The following MACF1 variants were observed in gnomAD, a reference collection of about 807,000 sequenced individuals.
The protein encoded by MACF1 is microtubule actin crosslinking factor 1.
Under a neutral mutation model 854.8 loss-of-function variants are expected in MACF1, and 193 were observed. The observed-to-expected ratio is 0.23, with a 90% confidence interval of 0.20 to 0.25. MACF1 has a LOEUF of 0.25. Ranked by LOEUF, MACF1 falls within the 10% of genes least tolerant of loss-of-function variation. The pLI is 1.00. For missense variants in MACF1, 7,722 were observed against 8,929.1 expected (o/e 0.86, Z 5.45); for synonymous variants, 3,185 against 3,226.7 (o/e 0.99, Z 0.44).
intron 72 of MACF1, 67 bp downstream of exon 72, chr1:39,439,567 A>T (rs1412979382): frequency 1.4e-5 from 18 of 1,297,284 alleles, no homozygotes; most frequent in Non-Finnish European, 2.0e-5. Flanking sequence ...TATCAAATCA[A>T]AGTGAGGTAT....
At position 39,393,189 on chromosome 1, in the gene MACF1, AAAAAAAAAT is replaced by A. The variant is rs1437658786; in HGVS notation, c.15816+4533_15816+4541del. ...GACCTTCCTGGGAAGGGTAAAAAAA[AAAAAAAAAT>A]ATATATATATATATATATATATATA... On this transcript the variant is annotated intron_variant, in intron 58 of 100. Coordinates refer to ENST00000564288, the MANE Select transcript of MACF1 (RefSeq NM_001394062.1). Among the ~76,000 whole-genome samples, 75 of 103,988 alleles carry A rather than the reference AAAAAAAAAT, an allele frequency of 7.2e-4. 1 individual carries two copies. Among genetic ancestry groups the A allele is most frequent in the African/African-American group, 3.3e-3 (71 of 21,264 alleles). 68.2% of individuals were successfully genotyped at this position (103,988 alleles called of 152,430 possible).
rs1356787696 is a variant in MACF1 at position 39,388,297 on chromosome 1, C to G, written c.15455C>G (p.Thr5152Ser). 6.2e-7 allele frequency: 1 copy of G among 1,614,214 alleles called. No homozygotes were observed. Among genetic ancestry groups the G allele is most frequent in the Admixed American group, 1.7e-5 (1 of 60,016 alleles). The change falls in exon 58 of 101, where the codon ACT becomes AGT. Residue 5152 changes from threonine (T) to serine (S), a missense_variant. Thr to Ser is a moderately conservative substitution (Grantham distance 58). Coordinates refer to ENST00000564288, the MANE Select transcript of MACF1 (RefSeq NM_001394062.1). ...LDGMGAIGRD[T>S]DSLQSQIEDV... ...GGCATGGGTGCTATTGGCAGAGACACTGATAGCCTCCAGTCCCAAATCGAG... is the reference window on the plus strand; with the variant it reads ...GGCATGGGTGCTATTGGCAGAGACAGTGATAGCCTCCAGTCCCAAATCGAG...
chr1:39,408,791 G>A lies in MACF1; in HGVS notation c.15817-13583G>A, dbSNP rs532102140. ...TCCCCTCTGGCCCCGGGGCGCGGTG[G>A]GCGTGGGCTGCGGGAGCCGAACGGC... On this transcript the variant is annotated intron_variant, in intron 58 of 100. Coordinates refer to ENST00000564288, the MANE Select transcript of MACF1 (RefSeq NM_001394062.1). 7.9e-5 allele frequency among the ~76,000 whole-genome samples: 12 copies of A among 152,130 alleles called. No homozygotes were observed. The South Asian group carries it at 1.9e-3, about 24-fold the overall frequency.
chr1:39,426,465 A>G lies in MACF1; in HGVS notation c.16317-990A>G, dbSNP rs181028324. 5.6e-4 allele frequency among the ~76,000 whole-genome samples: 86 copies of G among 152,332 alleles called. 1 individual carries two copies. Among genetic ancestry groups the G allele is most frequent in the African/African-American group, 2.1e-3 (86 of 41,586 alleles). On this transcript the variant is annotated intron_variant, in intron 61 of 100. Transcript: ENST00000564288. ...TATCTTAGTCTGTTTTTAGTAATTC[A>G]AAGACAACATTATGACCTTTCATTA...
At chr1:39,099,799 A>C (rs1642022093) in intron 2 of MACF1, among the ~76,000 whole-genome samples, 1 of 152,238 alleles carries the variant, frequency 6.6e-6, no homozygotes, top group Non-Finnish European at 1.5e-5. Context: ...AGAAAGATGA[A>C]ATAGATGTCT....
rs769164491 is a variant in MACF1, at chr1:39,382,062, G to T, written c.13758G>T (p.Pro4586=). Residue 4586 remains proline (P), a synonymous_variant, in exon 56 of 101, where the codon CCG becomes CCT. Transcript: ENST00000564288. ...CFQAAESQLR[P]WLMEKELMMG... is the part of the protein sequence containing the mutation. ...AGGCTGCAGAATCCCAGCTCCGGCC[G>T]TGGCTGATGGAGAAAGAACTGATGA... 3.7e-6 allele frequency: 6 copies of T among 1,614,036 alleles called. No homozygotes were observed. The Admixed American group carries it at 8.3e-5, about 22-fold the overall frequency.
At chr1:39,389,540 A>C (rs1641950806) in intron 58 of MACF1, among the ~76,000 whole-genome samples, 1 of 150,556 alleles carries the variant, frequency 6.6e-6, no homozygotes, top group Admixed American at 6.6e-5. Context: ...TTATATTTTT[A>C]GTAGAGATGG....
intron 6 of MACF1, among the ~76,000 whole-genome samples, chr1:39,272,725 G>A (rs1241634917): frequency 1.3e-5 from 2 of 152,184 alleles, no homozygotes; most frequent in Non-Finnish European, 2.9e-5. Flanking sequence ...CTTCTTGCTA[G>A]TGTAGGGTTT....
chr1:39,301,075 G>T (rs911408441), intron 22 of MACF1, among the ~76,000 whole-genome samples: 3 of 152,028 alleles, frequency 2.0e-5, no homozygotes, highest in African/African-American at 7.2e-5. Flanking sequence ...TCCCCATTTA[G>T]TGCACAAAGG....
intron 95 of MACF1, among the ~76,000 whole-genome samples, chr1:39,466,150 A>G (rs960781874): frequency 5.3e-5 from 8 of 152,222 alleles, no homozygotes; most frequent in Admixed American, 2.6e-4. Flanking sequence ...AGCTAGTGTC[A>G]GCCACTGCAA....
chr1:39,089,834 A>G (rs369570910), intron 2 of MACF1, among the ~76,000 whole-genome samples: 3 of 152,230 alleles, frequency 2.0e-5, no homozygotes, highest in Non-Finnish European at 4.4e-5. Flanking sequence ...TTCCTTATCT[A>G]TAAAAGGGAG....
chr1:39,270,693 C>T (rs1302726423), intron 6 of MACF1, among the ~76,000 whole-genome samples: 1 of 152,152 alleles, frequency 6.6e-6, no homozygotes, highest in Non-Finnish European at 1.5e-5. Context: ...AACATTAGGA[C>T]TTCAAAGTGC....
rs772336199 is a variant in MACF1, at chr1:39,334,159, A to G, written c.7571A>G (p.His2524Arg). The G allele has an allele frequency of 3.1e-6, 5 of 1,614,162 alleles. No homozygotes were observed. In the South Asian group the frequency reaches 4.4e-5, roughly 14 times the overall value. The change falls in exon 37 of 101, where the codon CAT becomes CGT. Residue 2524 changes from histidine (H) to arginine (R), a missense_variant. Physicochemically the swap from His to Arg is conservative, Grantham distance 29. Around this residue, in one of 15 missense-constraint regions of MACF1, gnomAD observed 1,531 missense variants for 1,601.6 expected, o/e 0.96. Coordinates refer to ENST00000564288, the MANE Select transcript of MACF1 (RefSeq NM_001394062.1). ...CTTTCTGTTGATAATGCCTTCAGAC[A>G]TGGCTTAATTGGTGAAGATTTAGCC... ...MRLSVDNAFR[H>R]GLIGEDLAEK...
chr1:39,350,714 TCTTTATACCATTAG>T lies in MACF1; in HGVS notation c.10966-70_10966-57del, dbSNP rs1647159949. On this transcript the variant is annotated intron_variant, in intron 42 of 100. Transcript: ENST00000564288. ...ACTATATGTCATCCTAGCCATTCCA[TCTTTATACCATTAG>T]AGGACTTAGAAGCACTAAAGTCGAA... The T allele has an allele frequency of 5.4e-6, 6 of 1,117,496 alleles. No homozygotes were observed. The South Asian group carries it at 8.0e-5, about 15-fold the overall frequency. 69.2% of individuals were successfully genotyped at this position (1,117,496 alleles called of 1,614,324 possible). A position where few individuals can be genotyped will look rare whatever the true frequency, so the allele number is the denominator to read the frequency against.
At chr1:39,438,668 C>T (rs1644033453) in intron 71 of MACF1, among the ~76,000 whole-genome samples, 1 of 151,990 alleles carries the variant, frequency 6.6e-6, no homozygotes, top group Non-Finnish European at 1.5e-5. Context: ...ATCCCAGCAA[C>T]TCAGGAGGCT....
chr1:39,163,884 A>T (rs1379179743), intron 2 of MACF1, among the ~76,000 whole-genome samples: 1 of 152,182 alleles, frequency 6.6e-6, no homozygotes, highest in Non-Finnish European at 1.5e-5. Context: ...CATTGTCCTT[A>T]TAGAAAGCAG....
chr1:39,288,270 G>C (rs1433340458), intron 15 of MACF1, among the ~76,000 whole-genome samples: 1 of 152,106 alleles, frequency 6.6e-6, no homozygotes, highest in Non-Finnish European at 1.5e-5. Flanking sequence ...AGGCCTAGGC[G>C]GGTGGATCAC....
intron 22 of MACF1, among the ~76,000 whole-genome samples, chr1:39,302,301 T>G (rs758100720): frequency 6.6e-6 from 1 of 152,176 alleles, no homozygotes; most frequent in Non-Finnish European, 1.5e-5. Context: ...CCTGGCCAAT[T>G]GTACTGTTTT....
chr1:39,158,797 A>G (rs1325447776), intron 2 of MACF1, among the ~76,000 whole-genome samples: 1 of 152,206 alleles, frequency 6.6e-6, no homozygotes, highest in African/African-American at 2.4e-5. Flanking sequence ...AAAGGCTGTA[A>G]TGTAATGAGG....
Sources: gnomAD v4.1 joint callset for allele counts (sites outside exome capture counted in the v4.1 genomes callset) on GRCh38, gnomAD v4.1.1 for gene constraint, gnomAD v4.1.1 regional missense constraint, MANE v1.5 for transcripts, NCBI Gene and HGNC (gene_info 2026-07-23, HGNC 2026-07-21) for gene names.